The following VPS13D variants were observed in gnomAD, a reference collection of about 807,000 sequenced individuals.
VPS13D encodes the protein intermembrane lipid transfer protein VPS13D.
VPS13D carries 187 observed loss-of-function variants against 461.9 expected under a neutral mutation model. The ratio of observed to expected loss-of-function variants is 0.40; its 90% CI spans 0.36 to 0.46. VPS13D has a LOEUF of 0.46. VPS13D is among the 20% of genes least tolerant of loss of function. The probability of loss-of-function intolerance (pLI) is 0.60; values close to 1 mark genes in which losing one functional copy is unlikely to be tolerated. For synonymous variants in VPS13D, 1,951 were observed against 1,986.3 expected (o/e 0.98, Z 0.47); for missense variants, 4,711 against 5,364.9 (o/e 0.88, Z 3.81).
At chr1:12,506,707 T>C (rs1195794211) in intron 68 of VPS13D, 146 bp from the exon 69 acceptor site, 4 of 1,093,312 alleles carry the variant, frequency 3.7e-6, no homozygotes, top group Non-Finnish European at 5.2e-6. Context: ...ACCCACAAGA[T>C]AGAATTTCAG....
intron 18 of VPS13D, among the ~76,000 whole-genome samples, chr1:12,274,375 C>T (rs1641546019): frequency 6.6e-6 from 1 of 152,150 alleles, no homozygotes; most frequent in Non-Finnish European, 1.5e-5. Context: ...AGGGTTTCGC[C>T]ATGTTGGCCA....
chr1:12,482,486 A>G (rs1258190191), intron 67 of VPS13D, among the ~76,000 whole-genome samples: 1 of 152,198 alleles, frequency 6.6e-6, no homozygotes, highest in Non-Finnish European at 1.5e-5. Context: ...TGATTATGTA[A>G]GTTAAAGAAT....
chr1:12,282,913 A>C lies in VPS13D; in HGVS notation c.4811A>C (p.Gln1604Pro), dbSNP rs758101809. ...CACTCCAGCCTTTCTAACACCTCTC[A>C]GAAGTCATTGTCAGTGAAGGAAGTC... ...FSHSSLSNTS[Q>P]KSLSVKEVKS... Residue 1604 changes from glutamine to proline, a missense_variant, in exon 21 of 70, where the codon CAG becomes CCG. Physicochemically the swap from Gln to Pro is moderately conservative, Grantham distance 76 (BLOSUM62 -1). This residue lies in a region of VPS13D where 4,411 missense variants were observed against 4,937.8 expected (regional missense o/e 0.89). Transcript: ENST00000620676. 129 of 1,614,090 alleles carry C rather than the reference A, an allele frequency of 8.0e-5. No individual in the cohort carries two copies. The highest frequency in any genetic ancestry group is 9.6e-5 in the Non-Finnish European group (113 of 1,180,020).
intron 65 of VPS13D, among the ~76,000 whole-genome samples, chr1:12,420,802 C>G (rs1384848025): frequency 6.6e-6 from 1 of 152,194 alleles, no homozygotes; most frequent in Non-Finnish European, 1.5e-5. Flanking sequence ...ATGATGGTAA[C>G]TCCCCCTGTC....
intron 13 of VPS13D, 84 bp downstream of exon 13, chr1:12,262,164 A>G (rs1641130141): frequency 6.9e-7 from 1 of 1,458,886 alleles, no homozygotes; most frequent in Admixed American, 2.2e-5. Flanking sequence ...TGCTGTGGGG[A>G]TAGTCTAGAA....
chr1:12,244,277 C>G lies in VPS13D; in HGVS notation c.207C>G (p.Pro69=). 1 of 1,613,654 alleles carries G rather than the reference C, an allele frequency of 6.2e-7. No individual in the cohort carries two copies. Among genetic ancestry groups the G allele is most frequent in the Non-Finnish European group, 8.5e-7 (1 of 1,179,842 alleles). The change falls in exon 4 of 70, where the codon CCC becomes CCG. Residue 69 remains proline (P), a synonymous_variant. Coordinates refer to ENST00000620676, the MANE Select transcript of VPS13D (RefSeq NM_015378.4). ...TTGGGAAAGTAACCCTTCAGATTCC[C>G]TTTTATCGCCCCCATGTGGACCCTT... ...GFIGKVTLQI[P]FYRPHVDPWV... is the part of the protein sequence containing the mutation.
intron 35 of VPS13D, among the ~76,000 whole-genome samples, chr1:12,327,033 T>G (rs1485264585): frequency 2.0e-5 from 3 of 152,202 alleles, no homozygotes; most frequent in African/African-American, 7.2e-5. Context: ...ATGTAGATAA[T>G]AGCAAATAAT....
At chr1:12,467,254 C>G (rs1019286311) in intron 67 of VPS13D, among the ~76,000 whole-genome samples, 1 of 152,234 alleles carries the variant, frequency 6.6e-6, no homozygotes, top group African/African-American at 2.4e-5. Context: ...TCACTGCATC[C>G]TCCACCTCCC....
Position 12,507,467 on chromosome 1 carries a change from G to C in VPS13D, c.13035+374G>C. The C allele has an allele frequency of 2.1e-6, 1 of 478,474 alleles. No homozygotes were observed. Among genetic ancestry groups the C allele is most frequent in the South Asian group, 1.6e-5 (1 of 62,112 alleles). 29.6% of individuals were successfully genotyped at this position (478,474 alleles called of 1,614,324 possible). A position where few individuals can be genotyped will look rare whatever the true frequency, so the allele number is the denominator to read the frequency against. ...AGTGCACCAAATCGAAGAAAGCACT[G>C]GAGCTCACGCTGGTTTCTCCATTGT... On this transcript the variant is annotated intron_variant, in intron 69 of 69. Coordinates refer to ENST00000620676, the MANE Select transcript of VPS13D (RefSeq NM_015378.4). The surrounding 1 kb of genome is among the most constrained non-coding windows in gnomAD (Gnocchi z 5.3).
chr1:12,324,235 C>T (rs770680819), intron 35 of VPS13D, among the ~76,000 whole-genome samples: 4 of 152,108 alleles, frequency 2.6e-5, no homozygotes, highest in Non-Finnish European at 4.4e-5. Context: ...AGGCCAGGTG[C>T]GGTGGCTCAT....
At chr1:12,498,198 G>A (rs1175893507) in intron 68 of VPS13D, among the ~76,000 whole-genome samples, 1 of 152,178 alleles carries the variant, frequency 6.6e-6, no homozygotes. Context: ...AGAGATCCTT[G>A]TAGCATGAAA....
In VPS13D at chr1:12,358,553, T is replaced by C. The variant is rs138869871; in HGVS notation, c.10093T>C (p.Leu3365=). The part of the protein sequence containing the change: ...SLDGGSGVRA[L]KVIQQGNRPG... ...GGATGGTGGTAGTGGTGTCCGAGCT[T>C]TGAAAGTCATCCAGCAAGGAAACCG... Residue 3365 remains leucine, a synonymous_variant, in exon 50 of 70, where the codon TTG becomes CTG. Coordinates refer to ENST00000620676, the MANE Select transcript of VPS13D (RefSeq NM_015378.4). 2.8e-4 allele frequency: 452 copies of C among 1,614,126 alleles called. 4 individuals are homozygous for C. The African/African-American group carries it at 5.6e-3, about 20-fold the overall frequency.
Position 12,321,916 on chromosome 1 carries a change from A to G in VPS13D, c.7656A>G (p.Ser2552=). 1.2e-6 allele frequency: 2 copies of G among 1,613,650 alleles called. No homozygotes were observed. Among genetic ancestry groups the G allele is most frequent in the Non-Finnish European group, 1.7e-6 (2 of 1,179,846 alleles). The change falls in exon 33 of 70, where the codon TCA becomes TCG. Residue 2552 remains serine, a synonymous_variant. Transcript: ENST00000620676. ...LVGNSSYQNS[S]GLMDAFNSED... ...GGAATTCTTCTTATCAAAATAGTTC[A>G]GGATTGATGGATGCATTCAATAGTG...
intron 55 of VPS13D, among the ~76,000 whole-genome samples, chr1:12,377,356 G>A (rs1454828699): frequency 6.6e-6 from 1 of 151,340 alleles, no homozygotes; most frequent in Admixed American, 6.6e-5. Flanking sequence ...CACCACGCCC[G>A]GCCTAAATGA....
chr1:12,443,011 A>G lies in VPS13D; in HGVS notation c.12334-12987A>G, dbSNP rs148988255. Reference sequence around the variant, plus strand: ...ATATTGCGTAGTATATGTTCAGTTTAAAGAATGATGAAATGAAAACAAGGA... The same window carrying G: ...ATATTGCGTAGTATATGTTCAGTTTGAAGAATGATGAAATGAAAACAAGGA... On this transcript the variant is annotated intron_variant, in intron 65 of 69. Coordinates refer to ENST00000620676, the MANE Select transcript of VPS13D (RefSeq NM_015378.4). 3.3e-5 allele frequency among the ~76,000 whole-genome samples: 5 copies of G among 152,354 alleles called. No homozygotes were observed. In the East Asian group the frequency reaches 9.6e-4, roughly 29 times the overall value.
At chr1:12,406,631 T>G (rs756188397) in intron 63 of VPS13D, among the ~76,000 whole-genome samples, 1 of 152,198 alleles carries the variant, frequency 6.6e-6, no homozygotes, top group African/African-American at 2.4e-5. Context: ...GGTGGAAGAA[T>G]GGGGAGATAA....
chr1:12,480,333 A>G (rs1313667675), intron 67 of VPS13D, among the ~76,000 whole-genome samples: 1 of 152,224 alleles, frequency 6.6e-6, no homozygotes, highest in African/African-American at 2.4e-5. Flanking sequence ...TGTGCTCAGT[A>G]TGTCATAGCC....
At chr1:12,317,540 A>G (rs2101518043) in intron 30 of VPS13D, among the ~76,000 whole-genome samples, 1 of 151,844 alleles carries the variant, frequency 6.6e-6, no homozygotes, top group East Asian at 1.9e-4. Context: ...CTAGATAGCA[A>G]TAGCAACCCC....
intron 57 of VPS13D, among the ~76,000 whole-genome samples, chr1:12,381,177 T>C (rs373830155): frequency 6.6e-6 from 1 of 152,250 alleles, no homozygotes; most frequent in East Asian, 1.9e-4. Flanking sequence ...AATCTTATTA[T>C]GCTGAATAAA....
Sources: gnomAD v4.1 joint callset for allele counts (sites outside exome capture counted in the v4.1 genomes callset) on GRCh38, gnomAD v4.1.1 for gene constraint, gnomAD v4.1.1 regional missense constraint, Gnocchi (gnomAD v3.1) non-coding constraint, MANE v1.5 for transcripts, NCBI Gene and HGNC (gene_info 2026-07-23, HGNC 2026-07-21) for gene names.